Variants in MYH3 observed in about 807,000 individuals in gnomAD.
The protein encoded by MYH3 is myosin-3.
A neutral mutation model predicts 238.0 loss-of-function variants in MYH3; 130 were observed. The ratio of observed to expected loss-of-function variants is 0.55; its 90% CI spans 0.47 to 0.63. The LOEUF (loss-of-function observed/expected upper bound fraction) is 0.63. Ranked by LOEUF, MYH3 falls within the 30% of genes least tolerant of loss-of-function variation. The probability of loss-of-function intolerance (pLI) is 0.00; values close to 1 mark genes in which losing one functional copy is unlikely to be tolerated. For missense variants in MYH3, 1,853 were observed against 2,374.9 expected, an observed-to-expected ratio of 0.78 and a Z score of 4.57; for synonymous variants, 880 against 924.1, an observed-to-expected ratio of 0.95 and a Z score of 0.86.
chr17:10,657,809 CAGGAAT>C (rs2074448681), upstream of MYH3, among the ~76,000 whole-genome samples: 1 of 151,908 alleles, frequency 6.6e-6, no homozygotes, highest in Non-Finnish European at 1.5e-5. Context: ...AAACCTGTGC[CAGGAAT>C]AATTAATAAT....
intron 28 of MYH3, among the ~76,000 whole-genome samples, chr17:10,636,653 C>G (rs746409463): frequency 6.6e-6 from 1 of 152,136 alleles, no homozygotes; most frequent in African/African-American, 2.4e-5. Context: ...CGGTGGCTCA[C>G]GCCTGTAATC....
chr17:10,661,337 A>G (rs2074479140), upstream of MYH3, among the ~76,000 whole-genome samples: 1 of 150,776 alleles, frequency 6.6e-6, no homozygotes, highest in African/African-American at 2.4e-5. Context: ...AAAGAGAAAA[A>G]TCTTAAAGAA....
At chr17:10,648,451 T>C (rs1713993816) in intron 8 of MYH3, 106 bp downstream of exon 8, 1 of 968,810 alleles carries the variant, frequency 1.0e-6, no homozygotes, top group African/African-American at 1.6e-5. Context: ...GGTTGTTTTG[T>C]TTTTCATCAT....
In MYH3 at chr17:10,642,841, G is replaced by A. The variant is rs146873206; in HGVS notation, c.1566C>T (p.Ile522=). 6.2e-5 allele frequency: 100 copies of A among 1,614,120 alleles called. 1 individual carries two copies. Among genetic ancestry groups the A allele is most frequent in the South Asian group, 3.1e-4 (28 of 91,074 alleles). ...AACTGGATACCTTCTCGATGAGCTC[G>A]ATGCAGGCAGCCAGGTCCATCCCGA... ...IDFGMDLAAC[I]ELIEKPMGIF... is the part of the protein sequence containing the mutation. Residue 522 remains isoleucine (I), a synonymous_variant, in exon 15 of 41, where the codon ATC becomes ATT. Coordinates refer to ENST00000583535, the MANE Select transcript of MYH3 (RefSeq NM_002470.4). The surrounding 1 kb of genome is among the most constrained non-coding windows in gnomAD (Gnocchi z 5.4).
chr17:10,643,107 C>T, intron 14 of MYH3, 111 bp from the exon 15 acceptor site: 1 of 1,570,736 alleles, frequency 6.4e-7, no homozygotes, highest in South Asian at 1.1e-5. Flanking sequence ...TTAATGCTTT[C>T]AAATACAATC....
chr17:10,646,012 T>C lies in MYH3; in HGVS notation c.919A>G (p.Asn307Asp). 1 of 1,613,944 alleles carries C rather than the reference T, an allele frequency of 6.2e-7. No homozygotes were observed. The highest frequency in any genetic ancestry group is 8.5e-7 in the Non-Finnish European group (1 of 1,179,926). Residue 307 changes from asparagine (N) to aspartate (D), a missense_variant, in exon 11 of 41, where the codon AAC becomes GAC. Coordinates refer to ENST00000583535, the MANE Select transcript of MYH3 (RefSeq NM_002470.4). ...CTAATGAACGGGTAGTCGTAAGGGTTGGTCGTAATAAGCAGCAGCTCTGAA... is the reference window on the plus strand; with the variant it reads ...CTAATGAACGGGTAGTCGTAAGGGTCGGTCGTAATAAGCAGCAGCTCTGAA... ...ELIELLLITTNPYDYPFISQG... is the reference protein window; with the variant it reads ...ELIELLLITTDPYDYPFISQG...
chr17:10,660,648 G>T (rs2074473971), upstream of MYH3, among the ~76,000 whole-genome samples: 1 of 150,466 alleles, frequency 6.6e-6, no homozygotes, highest in South Asian at 2.1e-4. Context: ...CTGCACTCCA[G>T]GCTGGGCGAC....
the MYH3 span, among the ~76,000 whole-genome samples, chr17:10,672,189 TC>T: frequency 1.3e-5 from 2 of 152,226 alleles, no homozygotes; most frequent in Non-Finnish European, 2.9e-5. Context: ...CTAACTTGTT[TC>T]ATTTCATTAA....
chr17:10,657,417 C>G (rs1399823475), upstream of MYH3: 5 of 152,320 alleles, frequency 3.3e-5, no homozygotes, highest in Admixed American at 6.5e-5. Context: ...AGCCGAGAAC[C>G]AGCTTCTTCC....
At chr17:10,674,598 C>G in the MYH3 span, 1 of 157,028 alleles carries the variant, frequency 6.4e-6, no homozygotes, top group Non-Finnish European at 1.4e-5. Flanking sequence ...TTGCTACAAA[C>G]TTGTAGATAA....
chr17:10,640,740 G>A (rs2074263617), intron 19 of MYH3, 54 bp from the exon 20 acceptor site: 2 of 1,595,868 alleles, frequency 1.3e-6, no homozygotes, highest in African/African-American at 1.3e-5. Context: ...CACAAACCTT[G>A]GAGAACATGT....
At chr17:10,672,807 A>G in the MYH3 span, 1 of 152,152 alleles carries the variant, frequency 6.6e-6, no homozygotes, top group Non-Finnish European at 1.5e-5. Flanking sequence ...TCATTATTAC[A>G]TTGATTCTAT....
intron 6 of MYH3, 22 bp downstream of exon 6, chr17:10,650,352 A>G (rs2074363063): frequency 6.2e-7 from 1 of 1,604,666 alleles, no homozygotes; most frequent in Non-Finnish European, 8.5e-7. Context: ...CTATGAAACC[A>G]CTCTATGCCA....
chr17:10,630,508 TG>T, intron 36 of MYH3, 50 bp from the exon 37 acceptor site: 1 of 1,612,558 alleles, frequency 6.2e-7, no homozygotes, highest in Non-Finnish European at 8.5e-7. Context: ...TCCAGTGCCT[TG>T]GAACTGTCAA....
chr17:10,647,672 G>A (rs1202523992), intron 8 of MYH3, among the ~76,000 whole-genome samples: 5 of 152,186 alleles, frequency 3.3e-5, no homozygotes, highest in Non-Finnish European at 7.3e-5. Flanking sequence ...AGCCTCCTGA[G>A]TAGCTGGGAC....
At position 10,632,090 on chromosome 17, in the gene MYH3, T is replaced by TTTTG. The variant is rs370004215; in HGVS notation, c.4957-78_4957-75dup. The TTTTG allele has an allele frequency of 9.2e-4, 1,398 of 1,517,924 alleles. 40 individuals are homozygous for TTTTG. The East Asian group carries it at 0.031, about 33-fold the overall frequency. The allele number at this position is 1,517,924 out of a possible 1,614,324, so 94.0% of individuals were successfully genotyped here. A position where few individuals can be genotyped will look rare whatever the true frequency, so the allele number is the denominator to read the frequency against. ...CACGAGCCTCATCTGCATCTCTGAG[T>TTTTG]TTTGTTTGTTTGTTTGTTTGTTTTT... On this transcript the variant is annotated intron_variant, in intron 34 of 40. Transcript: ENST00000583535.
chr17:10,631,899 T>G lies in MYH3; in HGVS notation c.5074A>C (p.Thr1692Pro), dbSNP rs140180067. The change falls in exon 35 of 41, where the codon ACT (threonine) becomes CCT (proline). Residue 1692 changes from threonine (T) to proline (P), a missense_variant. Physicochemically the swap from Thr to Pro is conservative, Grantham distance 38 (BLOSUM62 -1). Coordinates refer to ENST00000583535, the MANE Select transcript of MYH3 (RefSeq NM_002470.4). ...LQAEVEELRA[T>P]LEQTERARKL... Reference sequence around the variant, plus strand: ...CGGGCCCTCTCCGTCTGCTCCAGAGTAGCCCGCAGCTCCTCCACCTCGGCC... The same window carrying G: ...CGGGCCCTCTCCGTCTGCTCCAGAGGAGCCCGCAGCTCCTCCACCTCGGCC... 2 of 1,613,996 alleles carry G rather than the reference T, an allele frequency of 1.2e-6. No individual in the cohort carries two copies.
At chr17:10,648,328 G>A (rs1256654891) in intron 8 of MYH3, among the ~76,000 whole-genome samples, 1 of 152,136 alleles carries the variant, frequency 6.6e-6, no homozygotes, top group Non-Finnish European at 1.5e-5. Context: ...GCCCCACAGA[G>A]AGGTCTTCCC....
chr17:10,644,681 A>AG lies in MYH3; in HGVS notation c.1162dup (p.Leu388ProfsTer17). 6.2e-7 allele frequency: 1 copy of AG among 1,613,884 alleles called. No individual in the cohort carries two copies. Among genetic ancestry groups the AG allele is most frequent in the Non-Finnish European group, 8.5e-7 (1 of 1,179,970 alleles). On this transcript the variant is annotated frameshift_variant, in exon 13 of 41. Transcript: ENST00000583535. LOFTEE classifies it high-confidence loss of function. ...GAGGTCCGAAGAGTTCAGGCCCATC[A>AG]GATAGGCTGTTTTGTCAGCCACTGG...
Sources: gnomAD v4.1 joint callset for allele counts (sites outside exome capture counted in the v4.1 genomes callset) on GRCh38, gnomAD v4.1.1 for gene constraint, Gnocchi (gnomAD v3.1) non-coding constraint, MANE v1.5 for transcripts, NCBI Gene and HGNC (gene_info 2026-07-23, HGNC 2026-07-21) for gene names.